Variants in AGTPBP1 observed in about 807,000 individuals in gnomAD.
AGTPBP1 encodes ATP/GTP binding carboxypeptidase 1, also known as cytosolic carboxypeptidase 1.
A neutral mutation model predicts 143.9 loss-of-function variants in AGTPBP1; 70 were observed. The ratio of observed to expected loss-of-function variants is 0.49; its 90% CI spans 0.40 to 0.59. The LOEUF (loss-of-function observed/expected upper bound fraction) is 0.59. AGTPBP1 is among the 20% of genes least tolerant of loss of function. The pLI, the probability that AGTPBP1 is intolerant of heterozygous loss-of-function variation, is 0.00. For synonymous variants in AGTPBP1, 463 were observed against 500.2 expected (o/e 0.93, Z 0.99); for missense variants, 1,229 against 1,464.5 (o/e 0.84, Z 2.62).
the AGTPBP1 span, among the ~76,000 whole-genome samples, chr9:85,779,861 C>T: frequency 9.2e-5 from 14 of 151,802 alleles, no homozygotes; most frequent in African/African-American, 1.7e-4. Flanking sequence ...GATGCTGTCT[C>T]GAAAATAATA....
the AGTPBP1 span, among the ~76,000 whole-genome samples, chr9:85,749,071 T>A: frequency 6.7e-6 from 1 of 149,710 alleles, no homozygotes; most frequent in African/African-American, 2.5e-5. Flanking sequence ...GGTGTGATCG[T>A]GGCTCACTGC....
At chr9:85,787,809 C>T in the AGTPBP1 span, 2 of 152,168 alleles carry the variant, frequency 1.3e-5, no homozygotes, top group Non-Finnish European at 1.5e-5. Flanking sequence ...CAAAACCATC[C>T]TGACATGGAT....
intron 3 of AGTPBP1, 74 bp downstream of exon 3, chr9:85,692,615 T>G: frequency 1.3e-6 from 2 of 1,545,460 alleles, no homozygotes; most frequent in Non-Finnish European, 1.7e-6. Context: ...TTATTAGAAG[T>G]TTGAACATTT....
chr9:85,776,406 G>A, the AGTPBP1 span, among the ~76,000 whole-genome samples: 1,747 of 152,242 alleles, frequency 0.011, 20 homozygotes, highest in African/African-American at 0.038. Context: ...ACCTCAGCAC[G>A]TTGTGGGTTT....
intron 14 of AGTPBP1, among the ~76,000 whole-genome samples, chr9:85,627,273 G>C (rs572424579): frequency 6.6e-6 from 1 of 151,996 alleles, no homozygotes; most frequent in Admixed American, 6.6e-5. Context: ...CACACACACA[G>C]AGTGGGAGAG....
intron 25 of AGTPBP1, among the ~76,000 whole-genome samples, chr9:85,561,402 A>C (rs1297881214): frequency 6.6e-6 from 1 of 151,572 alleles, no homozygotes. Flanking sequence ...AAAAAAAAAA[A>C]GACAGACCAT....
chr9:85,734,793 G>T (rs534308877), intron 1 of AGTPBP1, among the ~76,000 whole-genome samples: 40 of 152,266 alleles, frequency 2.6e-4, no homozygotes, highest in Middle Eastern at 3.4e-3. Flanking sequence ...GTCTTCCATG[G>T]GAGGCCGAGG....
intron 2 of AGTPBP1, among the ~76,000 whole-genome samples, chr9:85,702,115 A>G (rs1836704019): frequency 6.6e-6 from 1 of 152,226 alleles, no homozygotes; most frequent in Non-Finnish European, 1.5e-5. Flanking sequence ...TCTCTGACAC[A>G]GCCTGTGTGT....
intron 14 of AGTPBP1, among the ~76,000 whole-genome samples, chr9:85,630,999 C>T (rs1469316449): frequency 2.0e-5 from 3 of 152,204 alleles, no homozygotes; most frequent in Non-Finnish European, 4.4e-5. Flanking sequence ...CACACATAGT[C>T]AACCCATTGC....
chr9:85,609,471 C>T (rs780526272), intron 17 of AGTPBP1, among the ~76,000 whole-genome samples: 16 of 151,962 alleles, frequency 1.1e-4, no homozygotes, highest in African/African-American at 7.2e-5. Context: ...TTAGTAGAGA[C>T]GGGGTTTCAC....
intron 1 of AGTPBP1, among the ~76,000 whole-genome samples, chr9:85,717,281 A>G (rs1273037818): frequency 1.3e-5 from 2 of 152,174 alleles, no homozygotes; most frequent in Admixed American, 1.3e-4. Flanking sequence ...AGGTGGGAGG[A>G]CTGCTTGAGC....
Position 85,589,523 on chromosome 9 carries a change from C to T in AGTPBP1, c.2722+5G>A. On this transcript the variant is annotated splice_donor_5th_base_variant and intron_variant, in intron 20 of 25. Coordinates refer to ENST00000357081, the MANE Select transcript of AGTPBP1 (RefSeq NM_001330701.2). The stretch of plus-strand genomic sequence containing the variant: ...TGCTATTGTGAGTTGGGAAGACAAA[C>T]TTACTGAAATGGCAGATATGTTCAT... The T allele has an allele frequency of 6.3e-7, 1 of 1,597,634 alleles. No individual in the cohort carries two copies. The highest frequency in any genetic ancestry group is 8.5e-7 in the Non-Finnish European group (1 of 1,173,958).
upstream of AGTPBP1, among the ~76,000 whole-genome samples, chr9:85,746,031 G>A (rs1824575578): frequency 6.6e-6 from 1 of 152,156 alleles, no homozygotes; most frequent in South Asian, 2.1e-4. Flanking sequence ...CACGTTTACA[G>A]TAAGAAGCAG....
chr9:85,635,102 A>G (rs1174887017), intron 13 of AGTPBP1, among the ~76,000 whole-genome samples: 1 of 152,208 alleles, frequency 6.6e-6, no homozygotes, highest in African/African-American at 2.4e-5. Context: ...GTTCCTGGAT[A>G]CAGGGTTTTC....
intron 2 of AGTPBP1, among the ~76,000 whole-genome samples, chr9:85,706,064 T>G (rs1836976182): frequency 6.6e-6 from 1 of 151,616 alleles, no homozygotes; most frequent in Admixed American, 6.6e-5. Context: ...ACTAGATGTA[T>G]AGTATAAACC....
chr9:85,569,553 C>T (rs1827328093), intron 25 of AGTPBP1, among the ~76,000 whole-genome samples: 1 of 152,074 alleles, frequency 6.6e-6, no homozygotes, highest in African/African-American at 2.4e-5. Flanking sequence ...TATCTTCAGC[C>T]CACAATCAGA....
At chr9:85,793,162 G>A in the AGTPBP1 span, among the ~76,000 whole-genome samples, 1 of 152,010 alleles carries the variant, frequency 6.6e-6, no homozygotes, top group Non-Finnish European at 1.5e-5. Context: ...TGGATCTTTG[G>A]CCACCAGTTT....
At chr9:85,767,007 C>G in the AGTPBP1 span, among the ~76,000 whole-genome samples, 2 of 140,950 alleles carry the variant, frequency 1.4e-5, no homozygotes, top group African/African-American at 5.8e-5. Flanking sequence ...CAGGTCACAC[C>G]GCTTTTTTTT....
At chr9:85,791,279 CAGG>C in the AGTPBP1 span, among the ~76,000 whole-genome samples, 6 of 151,308 alleles carry the variant, frequency 4.0e-5, no homozygotes, top group Non-Finnish European at 7.4e-5. Context: ...GAGGCTGAGG[CAGG>C]AGAACTGCTT....
Sources: allele counts gnomAD v4.1 joint callset (sites outside exome capture counted in the v4.1 genomes callset), GRCh38; gene constraint gnomAD v4.1.1; transcripts MANE v1.5; gene names NCBI Gene and HGNC (gene_info 2026-07-23, HGNC 2026-07-21).